The following RYR2 variants were observed in gnomAD, a reference collection of about 807,000 sequenced individuals.
RYR2 encodes the protein cardiac muscle ryanodine receptor-calcium release channel.
RYR2 carries 227 observed loss-of-function variants against 601.1 expected under a neutral mutation model. The observed-to-expected ratio is 0.38, with a 90% CI of 0.34 to 0.42. RYR2 has a LOEUF of 0.42. RYR2 is among the 10% of genes least tolerant of loss of function. The pLI is 1.00. For synonymous variants in RYR2, 2,223 were observed against 2,175.1 expected, an observed-to-expected ratio of 1.02 and a Z score of -0.61; for missense variants, 4,646 against 6,156.5, an observed-to-expected ratio of 0.75 and a Z score of 8.21.
chr1:237,210,766 G>A lies in RYR2; in HGVS notation c.49-59731G>A, dbSNP rs560421535. 8.3e-4 allele frequency among the ~76,000 whole-genome samples: 127 copies of A among 152,312 alleles called. 1 individual carries two copies. In the South Asian group the frequency reaches 0.013, roughly 16 times the overall value. On this transcript the variant is annotated intron_variant, in intron 1 of 104. Coordinates refer to ENST00000366574, the MANE Select transcript of RYR2 (RefSeq NM_001035.3). ...CTTATCCCACTATCTTGGAAAGCAG[G>A]CACCGGGGACCACAGGTAGGCTTAG...
At chr1:237,759,134 T>C (rs945232775) in intron 82 of RYR2, among the ~76,000 whole-genome samples, 20 of 152,356 alleles carry the variant, frequency 1.3e-4, no homozygotes, top group African/African-American at 4.6e-4. Flanking sequence ...TCACCCAGGC[T>C]GGAGTGCAGT....
chr1:237,453,080 A>G (rs1452036628), intron 14 of RYR2, among the ~76,000 whole-genome samples: 1 of 152,098 alleles, frequency 6.6e-6, no homozygotes, highest in Non-Finnish European at 1.5e-5. Context: ...AATTTGTTAT[A>G]CATTTATTTA....
intron 16 of RYR2, among the ~76,000 whole-genome samples, chr1:237,465,678 G>GGCTACGCTATACGGGATGGCCTACTGCA (rs1660005455): frequency 6.6e-6 from 1 of 151,190 alleles, no homozygotes; most frequent in East Asian, 1.9e-4. Context: ...GGCCTACTGC[G>GGCTACGCTATACGGGATGGCCTACTGCA]CGGCTACGCT....
intron 17 of RYR2, among the ~76,000 whole-genome samples, chr1:237,480,707 A>G (rs1394163905): frequency 1.3e-5 from 2 of 152,128 alleles, no homozygotes; most frequent in African/African-American, 4.8e-5. Context: ...TATTTCAGCT[A>G]ATTTACTCCA....
intron 2 of RYR2, among the ~76,000 whole-genome samples, chr1:237,321,303 A>C (rs781376549): frequency 6.6e-6 from 1 of 152,164 alleles, no homozygotes; most frequent in African/African-American, 2.4e-5. Flanking sequence ...TAGAAATTTC[A>C]TGCTAGTACA....
chr1:237,473,930 A>T (rs574202266), intron 17 of RYR2, among the ~76,000 whole-genome samples: 10 of 152,206 alleles, frequency 6.6e-5, no homozygotes, highest in African/African-American at 1.7e-4. Flanking sequence ...ACATTTCATG[A>T]ATTTACTTCC....
intron 64 of RYR2, 45 bp downstream of exon 64, chr1:237,699,070 T>C: frequency 1.2e-6 from 1 of 865,872 alleles, no homozygotes. Context: ...ATAATAATGA[T>C]ACATGTATAT....
chr1:237,150,841 T>C (rs1674628585), intron 1 of RYR2, among the ~76,000 whole-genome samples: 1 of 152,132 alleles, frequency 6.6e-6, no homozygotes, highest in South Asian at 2.1e-4. Context: ...AGCTTTAATT[T>C]TGCTTTTGAT....
Position 237,286,087 on chromosome 1 carries a change from C to G in RYR2, c.168+15471C>G, listed in dbSNP as rs138613406. Among the ~76,000 whole-genome samples, 386 of 152,054 alleles carry G rather than the reference C, an allele frequency of 2.5e-3. 1 individual carries two copies. The highest frequency in any genetic ancestry group is 4.7e-3 in the Non-Finnish European group (319 of 67,966). The stretch of plus-strand genomic sequence containing the variant: ...TTGGGTTTGGTTTGTTTTTGTTTCT[C>G]TAGTTCCTTGAGGTGTGTCCTTAGA... On this transcript the variant is annotated intron_variant, in intron 2 of 104. Transcript: ENST00000366574.
chr1:237,197,943 GA>G (rs1207523159), intron 1 of RYR2, among the ~76,000 whole-genome samples: 5 of 152,170 alleles, frequency 3.3e-5, no homozygotes, highest in Non-Finnish European at 7.3e-5. Flanking sequence ...AAAAGCAGCT[GA>G]TTTGGTCAAT....
chr1:237,638,304 T>C (rs1681085792), intron 44 of RYR2, 53 bp from the exon 45 acceptor site: 1 of 1,611,184 alleles, frequency 6.2e-7, no homozygotes, highest in Non-Finnish European at 8.5e-7. Flanking sequence ...AATGTAAGCA[T>C]CTAATGAGTT....
At chr1:237,755,999 C>T (rs967162052) in intron 80 of RYR2, among the ~76,000 whole-genome samples, 2 of 151,786 alleles carry the variant, frequency 1.3e-5, no homozygotes, top group Non-Finnish European at 2.9e-5. Flanking sequence ...AAGTACAGTA[C>T]TTCAAAACTG....
At chr1:237,607,977 A>G (rs1466309365) in intron 35 of RYR2, among the ~76,000 whole-genome samples, 2 of 152,244 alleles carry the variant, frequency 1.3e-5, no homozygotes, top group East Asian at 3.8e-4. Flanking sequence ...TATATACTCA[A>G]TAAATTTACA....
intron 1 of RYR2, among the ~76,000 whole-genome samples, chr1:237,188,288 T>G (rs577338689): frequency 6.6e-6 from 1 of 152,250 alleles, no homozygotes; most frequent in East Asian, 1.9e-4. Flanking sequence ...CTTGGTTAAT[T>G]AGGAAAAGAC....
intron 13 of RYR2, among the ~76,000 whole-genome samples, chr1:237,442,648 T>C (rs901679482): frequency 6.6e-6 from 1 of 152,218 alleles, no homozygotes; most frequent in Non-Finnish European, 1.5e-5. Context: ...TCAGTCTCTT[T>C]TAATGTAGAA....
rs770757059 is a variant in RYR2, at chr1:237,614,536, G to T, written c.5408G>T (p.Ser1803Ile). Residue 1803 changes from serine to isoleucine, a missense_variant, in exon 37 of 105, where the codon AGT becomes ATT. This residue lies in a region of RYR2 where 1,807 missense variants were observed against 2,088.1 expected (regional missense o/e 0.87). Transcript: ENST00000366574. The surrounding 1 kb of genome is among the most constrained non-coding windows in gnomAD (Gnocchi z 4.3). ...CTGACAGAAGCTGTTAAAGAGGGCAGTCTTCATGCCCGGGACCCAGTTGGA... is the reference window on the plus strand; with the variant it reads ...CTGACAGAAGCTGTTAAAGAGGGCATTCTTCATGCCCGGGACCCAGTTGGA... ...QMLTEAVKEG[S>I]LHARDPVGGT... The T allele has an allele frequency of 6.2e-7, 1 of 1,614,054 alleles. No individual in the cohort carries two copies. The highest frequency in any genetic ancestry group is 2.2e-5 in the East Asian group (1 of 44,882).
chr1:237,711,669 G>A (rs1688854670), intron 70 of RYR2, 76 bp from the exon 71 acceptor site: 1 of 710,976 alleles, frequency 1.4e-6, no homozygotes, highest in South Asian at 1.6e-5. Context: ...GTAAAAACTT[G>A]CAGGTTCTGT....
intron 1 of RYR2, among the ~76,000 whole-genome samples, chr1:237,216,759 A>T (rs148086009): frequency 6.6e-6 from 1 of 151,652 alleles, no homozygotes; most frequent in African/African-American, 2.4e-5. Context: ...CACCAAAAAA[A>T]AAAAAACAAA....
chr1:237,501,445 CTT>C (rs1664628853), intron 21 of RYR2, among the ~76,000 whole-genome samples: 1 of 152,114 alleles, frequency 6.6e-6, no homozygotes, highest in Non-Finnish European at 1.5e-5. Context: ...TCCTCACACT[CTT>C]TCCTTTTTTG....
Sources: gnomAD v4.1 joint callset for allele counts (sites outside exome capture counted in the v4.1 genomes callset) on GRCh38, gnomAD v4.1.1 for gene constraint, gnomAD v4.1.1 regional missense constraint, Gnocchi (gnomAD v3.1) non-coding constraint, MANE v1.5 for transcripts, NCBI Gene and HGNC (gene_info 2026-07-23, HGNC 2026-07-21) for gene names.